Variants in GIGYF2 observed in about 807,000 individuals in gnomAD.
The protein encoded by GIGYF2 is GRB10 interacting GYF protein 2, also known as GRB10-interacting GYF protein 2.
In GIGYF2, 25 loss-of-function variants were observed where a neutral mutation model predicts 208.1. That is an observed-to-expected ratio of 0.12 (90% CI 0.09 to 0.17). GIGYF2 has a LOEUF of 0.17. Among genes scored for constraint, GIGYF2 ranks in the 10% least tolerant of loss-of-function variants. The pLI is 1.00. For missense variants in GIGYF2, 1,302 were observed against 1,579.4 expected, an observed-to-expected ratio of 0.82 and a Z score of 2.98; for synonymous variants, 534 against 543.8, an observed-to-expected ratio of 0.98 and a Z score of 0.25.
At chr2:232,784,394 T>TC (rs60317679) in intron 8 of GIGYF2, among the ~76,000 whole-genome samples, 5 of 132,586 alleles carry the variant, frequency 3.8e-5, no homozygotes, top group East Asian at 2.2e-4. Context: ...TTCTTTTTTT[T>TC]TTTTTTTTTT....
intron 8 of GIGYF2, among the ~76,000 whole-genome samples, chr2:232,778,695 G>C (rs1446614997): frequency 1.3e-5 from 2 of 152,164 alleles, no homozygotes; most frequent in African/African-American, 4.8e-5. Flanking sequence ...CAAAACATGA[G>C]ACTTGAGGAA....
At chr2:232,731,703 G>A (rs889966605) in intron 2 of GIGYF2, among the ~76,000 whole-genome samples, 5 of 152,126 alleles carry the variant, frequency 3.3e-5, no homozygotes, top group African/African-American at 1.2e-4. Context: ...CCTGGGGTCT[G>A]ATCATTGCTA....
intron 21 of GIGYF2, among the ~76,000 whole-genome samples, chr2:232,830,587 T>A (rs1701399641): frequency 6.6e-6 from 1 of 152,220 alleles, no homozygotes; most frequent in Non-Finnish European, 1.5e-5. Context: ...TTACAACTAA[T>A]AAACTGGTGC....
intron 2 of GIGYF2, among the ~76,000 whole-genome samples, chr2:232,727,667 TTCTC>T (rs1553606083): frequency 6.6e-6 from 1 of 152,202 alleles, no homozygotes; most frequent in Non-Finnish European, 1.5e-5. Context: ...TCTGTGGTCT[TTCTC>T]TTTCTTCCTG....
intron 8 of GIGYF2, 26 bp downstream of exon 8, chr2:232,761,462 G>C: frequency 6.9e-7 from 1 of 1,445,084 alleles, no homozygotes; most frequent in South Asian, 1.1e-5. Context: ...ACACACATAA[G>C]GATAAATTTA....
At position 232,844,487 on chromosome 2, in the gene GIGYF2, A is replaced by T. The variant is rs749931205; in HGVS notation, c.3218A>T (p.Asn1073Ile). The change falls in exon 25 of 29, where the codon AAC (asparagine) becomes ATC (isoleucine). Residue 1073 changes from asparagine to isoleucine, a missense_variant. Around this residue, in one of 8 missense-constraint regions of GIGYF2, gnomAD observed 701 missense variants for 793.0 expected, o/e 0.88. Transcript: ENST00000373563. ...SSIWSNADTK[N>I]SNMGFWDDAV... The stretch of plus-strand genomic sequence containing the variant: ...ATTTGGAGTAATGCTGACACTAAAA[A>T]CTCCAACATGGGATTCTGGGATGAT... 1.9e-5 allele frequency: 30 copies of T among 1,613,454 alleles called. 1 individual carries two copies. In the South Asian group the frequency reaches 2.9e-4, roughly 15 times the overall value.
At chr2:232,856,611 GA>G (rs1291043528) in intron 28 of GIGYF2, among the ~76,000 whole-genome samples, 181 bp from the exon 29 acceptor site, 1 of 152,110 alleles carries the variant, frequency 6.6e-6, no homozygotes, top group Non-Finnish European at 1.5e-5. Context: ...AGAATCTCTT[GA>G]ACCCAGGAGG....
intron 2 of GIGYF2, chr2:232,719,087 G>C (rs1696828780): frequency 6.6e-6 from 1 of 152,028 alleles, no homozygotes; most frequent in African/African-American, 2.4e-5. Context: ...CTGCCTTCGA[G>C]CAATTCTTCT....
At chr2:232,797,445 T>C (rs1181186135) in intron 14 of GIGYF2, among the ~76,000 whole-genome samples, 1 of 151,980 alleles carries the variant, frequency 6.6e-6, no homozygotes, top group Non-Finnish European at 1.5e-5. Context: ...ATTTTACATG[T>C]TTGTTCATTG....
At chr2:232,783,086 G>C (rs892852856) in intron 8 of GIGYF2, among the ~76,000 whole-genome samples, 1 of 152,180 alleles carries the variant, frequency 6.6e-6, no homozygotes, top group African/African-American at 2.4e-5. Context: ...AATGAGCACG[G>C]CCTCTGGAGG....
intron 26 of GIGYF2, among the ~76,000 whole-genome samples, 200 bp downstream of exon 26, chr2:232,846,086 G>C (rs1458500736): frequency 6.6e-6 from 1 of 152,140 alleles, no homozygotes; most frequent in Non-Finnish European, 1.5e-5. Flanking sequence ...ATAGATTATT[G>C]GTGGTTGTCA....
rs146270009 is a variant in GIGYF2, at chr2:232,823,630, C to T, written c.2529+3645C>T. On this transcript the variant is annotated intron_variant, in intron 21 of 28. Coordinates refer to ENST00000373563, the MANE Select transcript of GIGYF2 (RefSeq NM_001103146.3). The stretch of plus-strand genomic sequence containing the variant: ...TCAGCCTCCCAAAGTGGTGGGATTA[C>T]AGGAGTGAGCCACCGCAACCTGACC... Among the ~76,000 whole-genome samples, 277 of 152,220 alleles carry T rather than the reference C, an allele frequency of 1.8e-3. 1 individual carries two copies. The highest frequency in any genetic ancestry group is 0.011 in the East Asian group (56 of 5,182).
intron 3 of GIGYF2, chr2:232,736,355 C>T (rs1697730523): frequency 3.8e-6 from 1 of 262,648 alleles, no homozygotes; most frequent in Admixed American, 6.5e-5. Context: ...ATTTCAACAT[C>T]CATGGTACAC....
chr2:232,843,898 A>G lies in GIGYF2; in HGVS notation c.2890-148A>G, dbSNP rs1416989520. ...TCCTTTTTAATACTGTTAGCGATTT[A>G]CATTTTTATTTGCAACAGCAGAATT... On this transcript the variant is annotated intron_variant, in intron 23 of 28. Coordinates refer to ENST00000373563, the MANE Select transcript of GIGYF2 (RefSeq NM_001103146.3). 8.4e-6 allele frequency: 6 copies of G among 715,960 alleles called. No homozygotes were observed. The African/African-American group carries it at 1.1e-4, about 13-fold the overall frequency. 44.4% of individuals were successfully genotyped at this position (715,960 alleles called of 1,614,324 possible).
chr2:232,711,727 A>ATATATATATATATATATATATATAT (rs1696420074), intron 2 of GIGYF2, among the ~76,000 whole-genome samples: 1 of 141,604 alleles, frequency 7.1e-6, no homozygotes, highest in Non-Finnish European at 1.5e-5. Flanking sequence ...ATATATATAT[A>ATATATATATATATATATATATATAT]GTTGTAATAG....
intron 3 of GIGYF2, among the ~76,000 whole-genome samples, chr2:232,743,862 T>C (rs925567779): frequency 4.6e-5 from 7 of 152,176 alleles, no homozygotes; most frequent in Admixed American, 6.5e-5. Flanking sequence ...TTTTTATTTT[T>C]TGGAGACAGA....
intron 8 of GIGYF2, among the ~76,000 whole-genome samples, chr2:232,783,835 G>A (rs1281154770): frequency 6.6e-6 from 1 of 152,014 alleles, no homozygotes; most frequent in Non-Finnish European, 1.5e-5. Context: ...GCAGGCATGC[G>A]CCACCATGCC....
At chr2:232,815,429 C>T (rs1051651366) in intron 18 of GIGYF2, among the ~76,000 whole-genome samples, 2 of 152,136 alleles carry the variant, frequency 1.3e-5, no homozygotes, top group Admixed American at 1.3e-4. Flanking sequence ...CTGATAAATG[C>T]CTGGTACTTC....
At chr2:232,852,942 G>A (rs1690416495) in intron 28 of GIGYF2, among the ~76,000 whole-genome samples, 1 of 152,116 alleles carries the variant, frequency 6.6e-6, no homozygotes, top group Admixed American at 6.5e-5. Flanking sequence ...AAGGGTGTGG[G>A]AGATAGGTCA....
Sources: allele counts gnomAD v4.1 joint callset (sites outside exome capture counted in the v4.1 genomes callset), GRCh38; gene constraint gnomAD v4.1.1; regional missense constraint gnomAD v4.1.1; transcripts MANE v1.5; gene names NCBI Gene and HGNC (gene_info 2026-07-23, HGNC 2026-07-21).